Variants in ZNF438 observed in about 807,000 individuals in gnomAD.
The protein encoded by ZNF438 is zinc finger protein 438.
In ZNF438, 25 loss-of-function variants were observed where a neutral mutation model predicts 38.0. The ratio of observed to expected loss-of-function variants is 0.66; its 90% CI spans 0.48 to 0.92. ZNF438 has a LOEUF of 0.92. Among genes scored for constraint, ZNF438 ranks in the 40% least tolerant of loss-of-function variants. ZNF438 has a pLI of 0.00. For missense variants in ZNF438, 1,007 were observed against 999.6 expected (o/e 1.01, Z -0.10); for synonymous variants, 372 against 364.1 (o/e 1.02, Z -0.25).
At chr10:30,997,018 A>C (rs1229288022) in intron 1 of ZNF438, among the ~76,000 whole-genome samples, 3 of 152,146 alleles carry the variant, frequency 2.0e-5, no homozygotes, top group Non-Finnish European at 4.4e-5. Context: ...CAACATACCA[A>C]AATTTATTGG....
intron 3 of ZNF438, among the ~76,000 whole-genome samples, chr10:30,901,949 G>A (rs1402672993): frequency 2.6e-5 from 4 of 152,062 alleles, no homozygotes; most frequent in Non-Finnish European, 4.4e-5. Flanking sequence ...AAGGTGGCGC[G>A]TCTGGAGTTG....
At chr10:30,984,891 C>T (rs1006639606) in intron 1 of ZNF438, among the ~76,000 whole-genome samples, 1 of 152,106 alleles carries the variant, frequency 6.6e-6, no homozygotes, top group African/African-American at 2.4e-5. Flanking sequence ...TCCCAATTTA[C>T]GGCCATTGTC....
intron 2 of ZNF438, among the ~76,000 whole-genome samples, chr10:30,938,220 G>C (rs57013716): frequency 0.073 from 11,020 of 151,714 alleles, 1,316 homozygotes; most frequent in African/African-American, 0.25. Context: ...TTGTTTGCTT[G>C]TGTTGCCAGT....
chr10:30,969,144 T>G (rs1305230610), intron 1 of ZNF438, among the ~76,000 whole-genome samples: 1 of 151,248 alleles, frequency 6.6e-6, no homozygotes, highest in Non-Finnish European at 1.5e-5. Flanking sequence ...TGCCACAGAG[T>G]AAGTCAAAAA....
intron 2 of ZNF438, among the ~76,000 whole-genome samples, chr10:30,917,748 C>A (rs2043816088): frequency 1.3e-5 from 2 of 152,066 alleles, no homozygotes; most frequent in Admixed American, 1.3e-4. Context: ...TTTTCTCAGT[C>A]TGTGGCTTGT....
rs562877481 is a variant in ZNF438 at position 31,021,934 on chromosome 10, T to C, written c.-192+9899A>G. ...TGAGAAGCTGCCAAAGAACTCAACA[T>C]TGACCATTCTACGGTCGTTTGGCAT... On this transcript the variant is annotated intron_variant, in intron 1 of 5. Coordinates refer to ENST00000413025, the Ensembl canonical transcript of ZNF438. 8.5e-5 allele frequency among the ~76,000 whole-genome samples: 13 copies of C among 152,218 alleles called. No homozygotes were observed. In the East Asian group the frequency reaches 1.9e-3, roughly 23 times the overall value.
intron 1 of ZNF438, among the ~76,000 whole-genome samples, chr10:30,992,344 A>G (rs1480987256): frequency 6.6e-6 from 1 of 152,012 alleles, no homozygotes; most frequent in Non-Finnish European, 1.5e-5. Context: ...AAAAACCTGC[A>G]TTGCCATAAA....
intron 3 of ZNF438, among the ~76,000 whole-genome samples, chr10:30,885,688 C>T (rs754886317): frequency 6.6e-6 from 1 of 152,172 alleles, no homozygotes; most frequent in Non-Finnish European, 1.5e-5. Context: ...CTCTGCCCCT[C>T]ATCCCTTTCC....
intron 1 of ZNF438, among the ~76,000 whole-genome samples, chr10:30,949,636 G>C (rs1287006483): frequency 6.6e-6 from 1 of 152,122 alleles, no homozygotes; most frequent in Non-Finnish European, 1.5e-5. Flanking sequence ...AACCAACAAA[G>C]ATCAAAAGAG....
chr10:30,983,477 C>G (rs540624509), intron 1 of ZNF438, among the ~76,000 whole-genome samples: 3 of 152,184 alleles, frequency 2.0e-5, no homozygotes, highest in South Asian at 2.1e-4. Context: ...CTCATGAGAA[C>G]TCACTCACTA....
exon 5 of ZNF438, chr10:30,849,153 C>A: frequency 6.2e-7 from 1 of 1,613,740 alleles, no homozygotes; most frequent in South Asian, 1.1e-5. Flanking sequence ...TCTTGGGGAT[C>A]ATTTTTTACT....
At chr10:31,007,677 T>A (rs1473717482) in intron 1 of ZNF438, among the ~76,000 whole-genome samples, 1 of 152,240 alleles carries the variant, frequency 6.6e-6, no homozygotes, top group Non-Finnish European at 1.5e-5. Flanking sequence ...AAGCTTTGTG[T>A]AGATTAACCA....
intron 3 of ZNF438, among the ~76,000 whole-genome samples, chr10:30,883,829 T>A (rs2039592597): frequency 6.6e-6 from 1 of 152,208 alleles, no homozygotes; most frequent in African/African-American, 2.4e-5. Flanking sequence ...GAGGTTGCAG[T>A]GAGCCCTGAC....
At chr10:30,933,523 T>G in intron 2 of ZNF438, among the ~76,000 whole-genome samples, 1 of 151,898 alleles carries the variant, frequency 6.6e-6, no homozygotes, top group Admixed American at 6.6e-5. Context: ...GAGGCTGAGG[T>G]GGGAGGGTCG....
chr10:30,879,183 C>T (rs996444554), intron 3 of ZNF438, among the ~76,000 whole-genome samples: 18 of 152,236 alleles, frequency 1.2e-4, no homozygotes, highest in Admixed American at 6.5e-4. Flanking sequence ...CACAGAAGAA[C>T]GGGAATATTG....
At chr10:30,909,342 T>C (rs2042868359) in intron 2 of ZNF438, among the ~76,000 whole-genome samples, 2 of 152,170 alleles carry the variant, frequency 1.3e-5, no homozygotes, top group African/African-American at 4.8e-5. Context: ...ACACATATTC[T>C]CCATAAGCTT....
chr10:30,976,836 A>G (rs3011598), intron 1 of ZNF438, among the ~76,000 whole-genome samples: 113,490 of 152,032 alleles, frequency 0.75, 43,259 homozygotes, highest in African/African-American at 0.88. Flanking sequence ...TAACACATAC[A>G]CCAAAATAAA....
In ZNF438 at chr10:30,900,202, T is replaced by C. The variant is rs150001355; in HGVS notation, c.-32+8731A>G. 2.0e-3 allele frequency among the ~76,000 whole-genome samples: 312 copies of C among 152,320 alleles called. 1 individual carries two copies. The highest frequency in any genetic ancestry group is 7.4e-3 in the African/African-American group (308 of 41,578). ...GAAACTAAATTTTATATCATTTTCA[T>C]TGATCACAAAATATCATCCTTTGTT... On this transcript the variant is annotated intron_variant, in intron 3 of 5. Coordinates refer to ENST00000413025, the Ensembl canonical transcript of ZNF438.
rs367715693 is a variant in ZNF438, at chr10:30,848,808, G to A, written c.1597C>T (p.Arg533Cys). Reference sequence around the variant, plus strand: ...CGACAAATCCGACAACTGTAAGGGCGTCTGTTGGTGTGTGTATTCATGTGG... The same window carrying A: ...CGACAAATCCGACAACTGTAAGGGCATCTGTTGGTGTGTGTATTCATGTGG... The change falls in exon 5 of 6, where the codon CGC becomes TGC. Residue 533 changes from arginine to cysteine, a missense_variant. Arg to Cys is a radical substitution (Grantham distance 180, BLOSUM62 -3). Transcript: ENST00000413025. The A allele has an allele frequency of 5.1e-5, 82 of 1,614,240 alleles. 2 individuals carry two copies. The South Asian group carries it at 6.5e-4, about 13-fold the overall frequency.
Sources: allele counts gnomAD v4.1 joint callset (sites outside exome capture counted in the v4.1 genomes callset), GRCh38; gene constraint gnomAD v4.1.1; transcripts MANE v1.5; gene names NCBI Gene and HGNC (gene_info 2026-07-23, HGNC 2026-07-21).